EXOC3L4: variants seen among roughly 807,000 people sequenced by gnomAD.
EXOC3L4 encodes exocyst complex component 3 like 4.
A neutral mutation model predicts 69.7 loss-of-function variants in EXOC3L4; 62 were observed. The ratio of observed to expected loss-of-function variants is 0.89; its 90% confidence interval spans 0.72 to 1.10. The LOEUF is 1.10. Ranked by LOEUF, EXOC3L4 falls within the 50% of genes least tolerant of loss-of-function variation. The pLI, the probability that EXOC3L4 is intolerant of heterozygous loss-of-function variation, is 0.00. For missense variants in EXOC3L4, 1,087 were observed against 1,034.8 expected (o/e 1.05, Z -0.69); for synonymous variants, 502 against 464.2 (o/e 1.08, Z -1.05).
Position 103,106,798 on chromosome 14 carries a change from T to C in EXOC3L4, c.1480T>C (p.Ser494Pro). The C allele has an allele frequency of 6.3e-7, 1 of 1,584,488 alleles. No homozygotes were observed. The highest frequency in any genetic ancestry group is 8.6e-7 in the Non-Finnish European group (1 of 1,164,384). ...GCCCCTCCCCAGGACCAGTCTTCTC[T>C]CCAGGTTCCCAGGAACCCAAGAGGA... is the stretch of plus-strand genomic sequence containing the variant. ...ACEELRTSLL[S>P]RFPGTQEELE... Residue 494 changes from serine to proline, a missense_variant, in exon 8 of 12, where the codon TCC becomes CCC. Physicochemically the swap from Ser to Pro is moderately conservative, Grantham distance 74. Transcript: ENST00000688303.
Position 103,110,275 on chromosome 14 carries a change from G to A in EXOC3L4, c.*52G>A. On this transcript the variant is annotated 3_prime_UTR_variant, in exon 12 of 12. Transcript: ENST00000688303. Reference sequence around the variant, plus strand: ...CCGCTGGCAGGGAGCTGTGGTCAGTGGGGGTCAGCCAGGAGCCCAGGGAGT... The same window carrying A: ...CCGCTGGCAGGGAGCTGTGGTCAGTAGGGGTCAGCCAGGAGCCCAGGGAGT... The A allele has an allele frequency of 6.7e-7, 1 of 1,499,692 alleles. No homozygotes were observed. Among genetic ancestry groups the A allele is most frequent in the Non-Finnish European group, 8.9e-7 (1 of 1,125,160 alleles). The allele number at this position is 1,499,692 out of a possible 1,614,324, so 92.9% of individuals were successfully genotyped here. A position where few individuals can be genotyped will look rare whatever the true frequency, so the allele number is the denominator to read the frequency against.
In EXOC3L4 at chr14:103,110,057, C is replaced by G; in HGVS notation, c.2003C>G (p.Ala668Gly). The G allele has an allele frequency of 6.2e-7, 1 of 1,600,590 alleles. No homozygotes were observed. Among genetic ancestry groups the G allele is most frequent in the Non-Finnish European group, 8.5e-7 (1 of 1,174,340 alleles). ...IRRDHILAIL[A>G]LRRLGRQRNQ... ...CGGGACCACATACTGGCCATTCTGG[C>G]GCTGCGCCGACTGGGCCGCCAGCGG... The change falls in exon 12 of 12, where the codon GCG (alanine) becomes GGG (glycine). Residue 668 changes from alanine to glycine, a missense_variant. By Grantham distance (60) the Ala-to-Gly change is moderately conservative. Transcript: ENST00000688303.
chr14:103,099,548 C>T (rs962014363), intron 1 of EXOC3L4, among the ~76,000 whole-genome samples: 1 of 152,230 alleles, frequency 6.6e-6, no homozygotes, highest in Non-Finnish European at 1.5e-5. Context: ...CTCCTTCTGC[C>T]GCCCCTGTGG....
At chr14:103,099,924 A>C (rs1890077741) in intron 1 of EXOC3L4, among the ~76,000 whole-genome samples, 1 of 152,204 alleles carries the variant, frequency 6.6e-6, no homozygotes, top group Non-Finnish European at 1.5e-5. Context: ...GGCCTGGCAG[A>C]GGCCGAGTGA....
intron 1 of EXOC3L4, among the ~76,000 whole-genome samples, chr14:103,096,753 G>A (rs1889906236): frequency 6.6e-6 from 1 of 152,184 alleles, no homozygotes; most frequent in African/African-American, 2.4e-5. Context: ...CTCTCAACAG[G>A]AAAACCCAAG....
chr14:103,104,191 A>G, intron 4 of EXOC3L4, 76 bp from the exon 5 acceptor site: 1 of 1,456,328 alleles, frequency 6.9e-7, no homozygotes, highest in Non-Finnish European at 9.1e-7. Context: ...GTGACCCGAC[A>G]GGGCGGCCCT....
chr14:103,100,131 G>A lies in EXOC3L4; in HGVS notation c.-16-73G>A, dbSNP rs924989510. ...AGAGCCTTCCTTGACCAAGCCCCTG[G>A]GTGTGGCCAGGCCCCACAGGGCCAC... On this transcript the variant is annotated intron_variant, in intron 1 of 11. Transcript: ENST00000688303. The A allele has an allele frequency of 2.8e-6, 4 of 1,419,308 alleles. 1 individual carries two copies. Among genetic ancestry groups the A allele is most frequent in the South Asian group, 3.0e-5 (2 of 66,282 alleles). 87.9% of individuals were successfully genotyped at this position (1,419,308 alleles called of 1,614,324 possible). A position where few individuals can be genotyped will look rare whatever the true frequency, so the allele number is the denominator to read the frequency against.
In EXOC3L4 at chr14:103,097,559, C is replaced by G. The variant is rs1889951376; in HGVS notation, c.-16-2645C>G. On this transcript the variant is annotated intron_variant, in intron 1 of 11. Coordinates refer to ENST00000688303, the MANE Select transcript of EXOC3L4 (RefSeq NM_001077594.2). The surrounding 1 kb of genome is among the most constrained non-coding windows in gnomAD (Gnocchi z 4.9). Reference sequence around the variant, plus strand: ...GGCAGGCCAGCCGGGGGTGGCAGGGCGACCCTGATACCGATGTTCCGCCTG... The same window carrying G: ...GGCAGGCCAGCCGGGGGTGGCAGGGGGACCCTGATACCGATGTTCCGCCTG... 6.6e-6 allele frequency among the ~76,000 whole-genome samples: 1 copy of G among 152,100 alleles called. No homozygotes were observed. The highest frequency in any genetic ancestry group is 1.5e-5 in the Non-Finnish European group (1 of 67,998).
intron 1 of EXOC3L4, among the ~76,000 whole-genome samples, chr14:103,096,866 C>T (rs1474840176): frequency 6.6e-6 from 1 of 152,120 alleles, no homozygotes; most frequent in African/African-American, 2.4e-5. Context: ...GAGAGCAGCT[C>T]GGAGGCTGTG....
Position 103,110,135 on chromosome 14 carries a change from C to A in EXOC3L4, c.2081C>A (p.Ala694Glu). 1.3e-6 allele frequency: 2 copies of A among 1,551,810 alleles called. No individual in the cohort carries two copies. Among genetic ancestry groups the A allele is most frequent in the Non-Finnish European group, 1.7e-6 (2 of 1,147,972 alleles). ...GACCTGCTGAGAGCTGCGGCCGGGG[C>A]GGCGGGTGCGGAGGCCCCTCGGGGC... ...TQDLLRAAAGAAGAEAPRGRV... is the reference protein window; with the variant it reads ...TQDLLRAAAGEAGAEAPRGRV... Residue 694 changes from alanine to glutamate, a missense_variant, in exon 12 of 12, where the codon GCG becomes GAG. Transcript: ENST00000688303.
At chr14:103,103,797 C>CGTGGGT in intron 3 of EXOC3L4, 144 bp from the exon 4 acceptor site, 1 of 432,430 alleles carries the variant, frequency 2.3e-6, no homozygotes, top group Non-Finnish European at 4.0e-6. Flanking sequence ...GGCGCGCGCG[C>CGTGGGT]GTGTGTGTGT....
Position 103,099,179 on chromosome 14 carries a change from G to A in EXOC3L4, c.-16-1025G>A, listed in dbSNP as rs561657324. Among the ~76,000 whole-genome samples, 6 of 152,264 alleles carry A rather than the reference G, an allele frequency of 3.9e-5. No individual in the cohort carries two copies. The South Asian group carries it at 1.0e-3, about 26-fold the overall frequency. On this transcript the variant is annotated intron_variant, in intron 1 of 11. Coordinates refer to ENST00000688303, the MANE Select transcript of EXOC3L4 (RefSeq NM_001077594.2). ...GCCCCAGTTTCTCCCAGAGGAAAGTGAGGTTTTGCTGGCCTAATGCCCTCC... is the reference window on the plus strand; with the variant it reads ...GCCCCAGTTTCTCCCAGAGGAAAGTAAGGTTTTGCTGGCCTAATGCCCTCC...
In EXOC3L4 at chr14:103,107,624, C is replaced by T. The variant is rs779920954; in HGVS notation, c.1702-7C>T. ...CCTGACCCTGACCCTGACCCTGGGC[C>T]GCCCAGGAGACTCTGCAGGAGGTGC... On this transcript the variant is annotated splice_polypyrimidine_tract_variant and splice_region_variant and intron_variant, in intron 9 of 11. Transcript: ENST00000688303. 8.8e-6 allele frequency: 14 copies of T among 1,595,548 alleles called. No homozygotes were observed. Among genetic ancestry groups the T allele is most frequent in the South Asian group, 7.8e-5 (7 of 89,600 alleles).
chr14:103,105,491 G>C (rs976141291), intron 7 of EXOC3L4, among the ~76,000 whole-genome samples: 2 of 152,064 alleles, frequency 1.3e-5, no homozygotes, highest in African/African-American at 4.8e-5. Flanking sequence ...CATCCGAGCA[G>C]GGGCCCTGGG....
intron 1 of EXOC3L4, among the ~76,000 whole-genome samples, chr14:103,099,563 A>G (rs768076423): frequency 6.6e-5 from 10 of 152,238 alleles, no homozygotes; most frequent in Non-Finnish European, 1.5e-4. Flanking sequence ...CTGTGGCTGC[A>G]TGGCCATGAT....
At chr14:103,094,637 G>T (rs1222227080), upstream of EXOC3L4, 1 of 145,364 alleles carries the variant, frequency 6.9e-6, no homozygotes, top group Non-Finnish European at 1.5e-5. Context: ...GAAAGTGAAA[G>T]TATGGGGTCC....
At chr14:103,099,727 T>C (rs1234017280) in intron 1 of EXOC3L4, among the ~76,000 whole-genome samples, 1 of 151,354 alleles carries the variant, frequency 6.6e-6, no homozygotes, top group Non-Finnish European at 1.5e-5. Flanking sequence ...GCGGGTGAGC[T>C]GAGGGACCTG....
At chr14:103,101,713 G>A (rs555403708) in intron 2 of EXOC3L4, among the ~76,000 whole-genome samples, 1 of 152,342 alleles carries the variant, frequency 6.6e-6, no homozygotes, top group South Asian at 2.1e-4. Flanking sequence ...CTGGCGGAGA[G>A]TGGGGAGCAG....
rs1889940975 is a variant in EXOC3L4 at position 103,097,380 on chromosome 14, C to T, written c.-17+2540C>T. Among the ~76,000 whole-genome samples the T allele has an allele frequency of 6.6e-6, 1 of 152,016 alleles. No individual in the cohort carries two copies. The highest frequency in any genetic ancestry group is 2.4e-5 in the African/African-American group (1 of 41,364). ...CCCTGGACTCTCCGGGCACTGGGGA[C>T]AGAGAGACGCAGAGAGAAAAGAGAG... is the stretch of plus-strand genomic sequence containing the variant. On this transcript the variant is annotated intron_variant, in intron 1 of 11. Transcript: ENST00000688303. This position sits in a 1 kb window ranked among gnomAD's most constrained non-coding sequence, Gnocchi z 4.9.
Sources: gnomAD v4.1 joint callset for allele counts (sites outside exome capture counted in the v4.1 genomes callset) on GRCh38, gnomAD v4.1.1 for gene constraint, Gnocchi (gnomAD v3.1) non-coding constraint, MANE v1.5 for transcripts, NCBI Gene and HGNC (gene_info 2026-07-23, HGNC 2026-07-21) for gene names.